The following DNAAF11 variants were observed in gnomAD, a reference collection of about 807,000 sequenced individuals.
DNAAF11 encodes the protein dynein axonemal assembly factor 11, also known as leucine rich repeat containing 6.
DNAAF11 carries 45 observed loss-of-function variants against 60.8 expected under a neutral mutation model. The ratio of observed to expected loss-of-function variants is 0.74; its 90% confidence interval spans 0.58 to 0.95. DNAAF11 has a LOEUF of 0.95. Ranked by LOEUF, DNAAF11 falls within the 40% of genes least tolerant of loss-of-function variation. The pLI is 0.00. For synonymous variants in DNAAF11, 191 were observed against 183.5 expected (o/e 1.04, Z -0.33); for missense variants, 546 against 546.2 (o/e 1.00, Z 0.00).
At chr8:132,653,604 T>C (rs746830955) in intron 3 of DNAAF11, among the ~76,000 whole-genome samples, 9 of 152,122 alleles carry the variant, frequency 5.9e-5, no homozygotes, top group Non-Finnish European at 1.0e-4. Context: ...TATATAAAGA[T>C]GTGATATGTG....
intron 10 of DNAAF11, among the ~76,000 whole-genome samples, chr8:132,585,392 T>C (rs900681520): frequency 6.6e-6 from 1 of 152,212 alleles, no homozygotes; most frequent in Admixed American, 6.5e-5. Flanking sequence ...CATCTTCCTC[T>C]TTCCATGGGT....
chr8:132,681,318 C>CTTTTTTTTTTTTTT, the DNAAF11 span, among the ~76,000 whole-genome samples: 61 of 129,028 alleles, frequency 4.7e-4, no homozygotes, highest in African/African-American at 1.7e-3. Context: ...CCAACCATTC[C>CTTTTTTTTTTTTTT]TTTTTTTTTT....
intron 3 of DNAAF11, among the ~76,000 whole-genome samples, chr8:132,650,284 C>A (rs1267442957): frequency 6.6e-6 from 1 of 151,960 alleles, no homozygotes; most frequent in African/African-American, 2.4e-5. Context: ...AACCAAACAC[C>A]GCATGTTCTC....
At chr8:132,697,106 T>G in the DNAAF11 span, among the ~76,000 whole-genome samples, 198 of 152,290 alleles carry the variant, frequency 1.3e-3, no homozygotes, top group Middle Eastern at 0.014. Context: ...TTACATGAAA[T>G]GTCCAGAATA....
intron 7 of DNAAF11, among the ~76,000 whole-genome samples, chr8:132,620,717 G>T (rs1435407312): frequency 6.6e-6 from 1 of 152,218 alleles, no homozygotes; most frequent in African/African-American, 2.4e-5. Flanking sequence ...AGAAAAATAG[G>T]AGAGTGAATT....
Position 132,610,231 on chromosome 8 carries a change from T to C in DNAAF11, c.1075A>G (p.Lys359Glu). ...PFQLVLPAEV[K>E]PDSSSAKRSQ... The stretch of plus-strand genomic sequence containing the variant: ...CTTTTAGCAGAACTACTATCGGGTT[T>C]CACTTCTGCAGGAAGGACAAGCTGA... Residue 359 changes from lysine (K) to glutamate (E), a missense_variant, in exon 10 of 12, where the codon AAA (lysine) becomes GAA (glutamate). Transcript: ENST00000620350. 1 of 1,613,884 alleles carries C rather than the reference T, an allele frequency of 6.2e-7. No homozygotes were observed. Among genetic ancestry groups the C allele is most frequent in the Non-Finnish European group, 8.5e-7 (1 of 1,179,862 alleles).
At chr8:132,579,040 A>T (rs1210603407) in intron 11 of DNAAF11, among the ~76,000 whole-genome samples, 3 of 152,226 alleles carry the variant, frequency 2.0e-5, no homozygotes, top group African/African-American at 7.2e-5. Flanking sequence ...GGGGCAGAGG[A>T]AAACTGAGTT....
intron 7 of DNAAF11, among the ~76,000 whole-genome samples, chr8:132,622,335 CTG>C (rs1323674170): frequency 1.3e-5 from 2 of 152,136 alleles, no homozygotes; most frequent in African/African-American, 2.4e-5. Context: ...AGGCATAAAA[CTG>C]TATATGGTCC....
At chr8:132,669,320 C>T (rs2130871567) in intron 1 of DNAAF11, among the ~76,000 whole-genome samples, 1 of 152,316 alleles carries the variant, frequency 6.6e-6, no homozygotes, top group Admixed American at 6.5e-5. Flanking sequence ...GTCACAGTGG[C>T]AAGGACACTG....
chr8:132,574,899 C>G (rs892788961), intron 11 of DNAAF11, among the ~76,000 whole-genome samples: 3 of 152,198 alleles, frequency 2.0e-5, no homozygotes, highest in African/African-American at 7.2e-5. Flanking sequence ...ATCACCCATA[C>G]TGTTCCTCAT....
intron 11 of DNAAF11, among the ~76,000 whole-genome samples, chr8:132,577,056 CT>C (rs1814826911): frequency 6.6e-6 from 1 of 152,152 alleles, no homozygotes; most frequent in Admixed American, 6.5e-5. Context: ...CTTTCATTAA[CT>C]GAATGCACCG....
the DNAAF11 span, among the ~76,000 whole-genome samples, chr8:132,684,422 A>G: frequency 6.6e-6 from 1 of 152,244 alleles, no homozygotes; most frequent in South Asian, 2.1e-4. Flanking sequence ...CTGGGGTTTC[A>G]TCACATAGGT....
chr8:132,614,102 T>C (rs529159026), intron 8 of DNAAF11, among the ~76,000 whole-genome samples: 3 of 152,310 alleles, frequency 2.0e-5, no homozygotes, highest in South Asian at 2.1e-4. Context: ...CTTTTAAGAA[T>C]ACAAGTAAAT....
chr8:132,622,790 A>T, intron 6 of DNAAF11, 102 bp from the exon 7 acceptor site: 1 of 824,184 alleles, frequency 1.2e-6, no homozygotes, highest in Non-Finnish European at 2.0e-6. Flanking sequence ...ACAGTTTTAA[A>T]AAAATTAATT....
chr8:132,596,780 C>T (rs528718655), intron 10 of DNAAF11, among the ~76,000 whole-genome samples: 39 of 152,242 alleles, frequency 2.6e-4, no homozygotes, highest in South Asian at 1.7e-3. Flanking sequence ...AAACAAAGAG[C>T]GACACTCCCT....
chr8:132,577,178 G>C (rs950334351), intron 11 of DNAAF11, among the ~76,000 whole-genome samples: 2 of 152,048 alleles, frequency 1.3e-5, no homozygotes, highest in Non-Finnish European at 2.9e-5. Flanking sequence ...TGCCTACCAA[G>C]TCTTCCTTCT....
chr8:132,672,704 C>G (rs986329219), intron 1 of DNAAF11, among the ~76,000 whole-genome samples: 1 of 152,204 alleles, frequency 6.6e-6, no homozygotes, highest in Non-Finnish European at 1.5e-5. Context: ...AGGCAATAAG[C>G]AGCTCAATAA....
intron 3 of DNAAF11, among the ~76,000 whole-genome samples, chr8:132,647,360 T>A (rs1822501909): frequency 6.6e-6 from 1 of 151,962 alleles, no homozygotes; most frequent in Non-Finnish European, 1.5e-5. Context: ...TGGGACACAT[T>A]TAAAGCAGTG....
chr8:132,621,646 TA>T (rs574225654), intron 7 of DNAAF11, among the ~76,000 whole-genome samples: 431 of 152,238 alleles, frequency 2.8e-3, no homozygotes, highest in African/African-American at 9.8e-3. Context: ...AGAAACCTGT[TA>T]ACAGTCATTG....
Sources: gnomAD v4.1 joint callset for allele counts (sites outside exome capture counted in the v4.1 genomes callset) on GRCh38, gnomAD v4.1.1 for gene constraint, MANE v1.5 for transcripts, NCBI Gene and HGNC (gene_info 2026-07-23, HGNC 2026-07-21) for gene names.